PRKD3: variants seen among roughly 807,000 people sequenced by gnomAD.
PRKD3 encodes serine/threonine-protein kinase D3.
PRKD3 carries 47 observed loss-of-function variants against 99.2 expected under a neutral mutation model. The ratio of observed to expected loss-of-function variants is 0.47; its 90% CI spans 0.38 to 0.60. The LOEUF (loss-of-function observed/expected upper bound fraction) is 0.60. Among genes scored for constraint, PRKD3 ranks in the 20% least tolerant of loss-of-function variants. The pLI, the probability that PRKD3 is intolerant of heterozygous loss-of-function variation, is 0.00. For synonymous variants in PRKD3, 392 were observed against 355.4 expected, an observed-to-expected ratio of 1.10 and a Z score of -1.16; for missense variants, 1,019 against 1,088.4, an observed-to-expected ratio of 0.94 and a Z score of 0.90.
chr2:37,279,565 G>C (rs914801803), intron 8 of PRKD3, among the ~76,000 whole-genome samples, 181 bp downstream of exon 8: 1 of 151,710 alleles, frequency 6.6e-6, no homozygotes, highest in Non-Finnish European at 1.5e-5. Flanking sequence ...ATCTTGAGTG[G>C]ATGGCAAGGG....
In PRKD3 at chr2:37,299,585, A is replaced by G. The variant is rs940761757; in HGVS notation, c.289-6314T>C. Among the ~76,000 whole-genome samples the G allele has an allele frequency of 2.6e-5, 4 of 151,668 alleles. No individual in the cohort carries two copies. The East Asian group carries it at 7.7e-4, about 29-fold the overall frequency. ...AAGCTTCTGCAAGGAAATAATTAAC[A>G]AGTGAAGTGACAACCTACAGAATGG... On this transcript the variant is annotated intron_variant, in intron 2 of 18. Transcript: ENST00000234179.
intron 11 of PRKD3, among the ~76,000 whole-genome samples, chr2:37,273,499 T>C (rs1381895552): frequency 1.3e-5 from 2 of 152,196 alleles, no homozygotes; most frequent in Non-Finnish European, 1.5e-5. Flanking sequence ...TGAAGTCTTG[T>C]TTACTCTTCT....
chr2:37,282,394 G>C (rs1669894560), intron 7 of PRKD3, 148 bp downstream of exon 7: 8 of 611,492 alleles, frequency 1.3e-5, no homozygotes, highest in Non-Finnish European at 1.7e-5. Context: ...ACTGTCAGTG[G>C]TCTGTGTATT....
At chr2:37,255,239 ATGT>A (rs1202781094) in intron 17 of PRKD3, among the ~76,000 whole-genome samples, 1 of 152,322 alleles carries the variant, frequency 6.6e-6, no homozygotes, top group East Asian at 1.9e-4. Context: ...CTGTCTTCAC[ATGT>A]TGTTCTTAAA....
chr2:37,254,226 G>T lies in PRKD3; in HGVS notation c.2477C>A (p.Ser826Tyr). 1 of 1,612,084 alleles carries T rather than the reference G, an allele frequency of 6.2e-7. No individual in the cohort carries two copies. The highest frequency in any genetic ancestry group is 8.5e-7 in the Non-Finnish European group (1 of 1,178,176). ...KMRKRYSVDK[S>Y]LSHPWLQDYQ... ...TACCTGTAGCCAGGGATGACTAAGA[G>T]ATTTGTCAACACTGTAACGTTTTCT... Residue 826 changes from serine (S) to tyrosine (Y), a missense_variant, in exon 18 of 19, where the codon TCT (serine) becomes TAT (tyrosine). Ser to Tyr is a moderately radical substitution (Grantham distance 144). Around this residue, in one of 3 missense-constraint regions of PRKD3, gnomAD observed 125 missense variants for 120.6 expected, o/e 1.04. Coordinates refer to ENST00000234179, the MANE Select transcript of PRKD3 (RefSeq NM_005813.6).
At chr2:37,298,987 A>G (rs1292476911) in intron 2 of PRKD3, among the ~76,000 whole-genome samples, 1 of 151,726 alleles carries the variant, frequency 6.6e-6, no homozygotes, top group African/African-American at 2.4e-5. Flanking sequence ...GAAAGTGGGC[A>G]TCCTTGTCTT....
In PRKD3 at chr2:37,256,657, TTTACCTTCACCAG is replaced by T; in HGVS notation, c.2405_2413+4del. On this transcript the variant is annotated splice_donor_variant and splice_donor_region_variant and coding_sequence_variant and intron_variant, in exon 17 of 19. Coordinates refer to ENST00000234179, the MANE Select transcript of PRKD3 (RefSeq NM_005813.6). LOFTEE classifies it high-confidence loss of function. ...TTTTTTTTTTTTTTTTTTTTTTTTT[TTTACCTTCACCAG>T]AAATTTCTCTCCATGGATTTGGTGG... is the stretch of plus-strand genomic sequence containing the variant. 7.9e-7 allele frequency: 1 copy of T among 1,258,674 alleles called. No homozygotes were observed. Among genetic ancestry groups the T allele is most frequent in the Non-Finnish European group, 1.0e-6 (1 of 957,932 alleles). The allele number at this position is 1,258,674 out of a possible 1,614,324, so 78.0% of individuals were successfully genotyped here. A position where few individuals can be genotyped will look rare whatever the true frequency, so the allele number is the denominator to read the frequency against.
chr2:37,264,741 G>A (rs532930824), intron 14 of PRKD3, among the ~76,000 whole-genome samples: 8 of 151,756 alleles, frequency 5.3e-5, no homozygotes, highest in Non-Finnish European at 1.0e-4. Context: ...GCTATTTTTG[G>A]GGGGGAAAAA....
chr2:37,310,520 A>G (rs562040586), intron 2 of PRKD3, among the ~76,000 whole-genome samples: 130 of 152,372 alleles, frequency 8.5e-4, no homozygotes, highest in African/African-American at 3.1e-3. Context: ...ATACTGCTTC[A>G]TATTAATTCC....
rs537671505 is a variant in PRKD3 at position 37,300,237 on chromosome 2, AG to A, written c.289-6967del. On this transcript the variant is annotated intron_variant, in intron 2 of 18. Coordinates refer to ENST00000234179, the MANE Select transcript of PRKD3 (RefSeq NM_005813.6). ...TTTGCAACAACATGGACAGAAGTAG[AG>A]AATAACATTTCAGTTGGTGAAATAA... Among the ~76,000 whole-genome samples, 235 of 152,328 alleles carry A rather than the reference AG, an allele frequency of 1.5e-3. 1 individual carries two copies. Among genetic ancestry groups the A allele is most frequent in the African/African-American group, 5.3e-3 (222 of 41,570 alleles).
chr2:37,273,954 T>C (rs574891589), intron 11 of PRKD3, among the ~76,000 whole-genome samples: 1 of 152,366 alleles, frequency 6.6e-6, no homozygotes, highest in Admixed American at 6.5e-5. Context: ...ACTTCACAGA[T>C]TTCATGAGTG....
rs1299301442 is a variant in PRKD3, at chr2:37,251,497, A to G, written c.*1680T>C. The G allele has an allele frequency of 2.0e-5, 3 of 152,600 alleles. No homozygotes were observed. Among genetic ancestry groups the G allele is most frequent in the African/African-American group, 7.2e-5 (3 of 41,442 alleles). The allele number at this position is 152,600 out of a possible 1,614,324, so 9.5% of individuals were successfully genotyped here. On this transcript the variant is annotated 3_prime_UTR_variant, in exon 19 of 19. Transcript: ENST00000234179. Reference sequence around the variant, plus strand: ...AAACTAAAACATAAAAGAACTTAGAACACAGGAGTACTGCATACTGTTTGC... The same window carrying G: ...AAACTAAAACATAAAAGAACTTAGAGCACAGGAGTACTGCATACTGTTTGC...
intron 5 of PRKD3, among the ~76,000 whole-genome samples, chr2:37,287,448 T>C (rs1670176623): frequency 6.6e-6 from 1 of 151,866 alleles, no homozygotes; most frequent in African/African-American, 2.4e-5. Flanking sequence ...TCTGACTTCT[T>C]TTCCTTCCCT....
At position 37,278,009 on chromosome 2, in the gene PRKD3, TG is replaced by T. The variant is rs1436794826; in HGVS notation, c.1173-21del. ...GATGGACTAAAAAATATTTAAAATT[TG>T]TAAGTTTGTGTAGATTTTTAAAAAA... On this transcript the variant is annotated intron_variant, in intron 8 of 18. Coordinates refer to ENST00000234179, the MANE Select transcript of PRKD3 (RefSeq NM_005813.6). 1 of 1,579,480 alleles carries T rather than the reference TG, an allele frequency of 6.3e-7. No homozygotes were observed. Among genetic ancestry groups the T allele is most frequent in the African/African-American group, 1.4e-5 (1 of 73,894 alleles).
intron 11 of PRKD3, among the ~76,000 whole-genome samples, chr2:37,273,659 A>T (rs1300220467): frequency 6.6e-6 from 1 of 152,212 alleles, no homozygotes; most frequent in Non-Finnish European, 1.5e-5. Flanking sequence ...AGGGCCTAGC[A>T]TAATAGTTGT....
chr2:37,281,864 T>TA (rs1335812101), intron 7 of PRKD3, among the ~76,000 whole-genome samples: 2 of 152,264 alleles, frequency 1.3e-5, no homozygotes, highest in East Asian at 3.9e-4. Flanking sequence ...AAAATTATGC[T>TA]GAAAGTCTAG....
rs2302649 is a variant in PRKD3, at chr2:37,289,338, T to C, written c.717+18A>G. ...AGAATAACTACTACTAAAATGTCTA[T>C]TACCTTAGAATACGTACCTCTTCAC... On this transcript the variant is annotated intron_variant, in intron 5 of 18. Coordinates refer to ENST00000234179, the MANE Select transcript of PRKD3 (RefSeq NM_005813.6). The C allele has an allele frequency of 0.13, 207,849 of 1,611,234 alleles. 17,592 individuals carry two copies. Among genetic ancestry groups the C allele is most frequent in the Admixed American group, 0.35 (20,783 of 59,534 alleles).
intron 2 of PRKD3, among the ~76,000 whole-genome samples, chr2:37,312,732 T>C (rs1671491159): frequency 6.6e-6 from 1 of 152,206 alleles, no homozygotes; most frequent in South Asian, 2.1e-4. Flanking sequence ...GTGAGTACAA[T>C]GTTAATGAAT....
intron 2 of PRKD3, among the ~76,000 whole-genome samples, chr2:37,294,273 T>A (rs1471436810): frequency 6.6e-6 from 1 of 152,070 alleles, no homozygotes; most frequent in African/African-American, 2.4e-5. Context: ...TTTTTTATGT[T>A]CTGTAGAGAC....
Sources: gnomAD v4.1 joint callset for allele counts (sites outside exome capture counted in the v4.1 genomes callset) on GRCh38, gnomAD v4.1.1 for gene constraint, gnomAD v4.1.1 regional missense constraint, MANE v1.5 for transcripts, NCBI Gene and HGNC (gene_info 2026-07-23, HGNC 2026-07-21) for gene names.